Variants in PTPRT observed in about 807,000 individuals in gnomAD.
PTPRT encodes the protein protein tyrosine phosphatase receptor type T.
In PTPRT, 56 loss-of-function variants were observed where a neutral mutation model predicts 176.8. The ratio of observed to expected loss-of-function variants is 0.32; its 90% confidence interval spans 0.26 to 0.40. The LOEUF (loss-of-function observed/expected upper bound fraction) is 0.40, where lower values mean the gene tolerates loss of function less well. Ranked by LOEUF, PTPRT falls within the 10% of genes least tolerant of loss-of-function variation. The pLI is 1.00. For synonymous variants in PTPRT, 783 were observed against 739.0 expected (o/e 1.06, Z -0.96); for missense variants, 1,540 against 1,908.2 (o/e 0.81, Z 3.60).
intron 9 of PTPRT, among the ~76,000 whole-genome samples, chr20:42,436,103 G>C (rs2059260017): frequency 6.6e-6 from 1 of 152,166 alleles, no homozygotes. Context: ...ATTAATTGCA[G>C]ATAGATCAAA....
intron 9 of PTPRT, among the ~76,000 whole-genome samples, chr20:42,413,766 C>A (rs1201830743): frequency 6.6e-6 from 1 of 152,194 alleles, no homozygotes; most frequent in African/African-American, 2.4e-5. Context: ...TCAAAGAACA[C>A]CTCCACAGAG....
At chr20:42,660,968 C>T (rs1297663893) in intron 7 of PTPRT, among the ~76,000 whole-genome samples, 1 of 152,130 alleles carries the variant, frequency 6.6e-6, no homozygotes, top group African/African-American at 2.4e-5. Context: ...TCTCCTGCCT[C>T]AGCCTCCCAA....
At chr20:42,217,327 A>AT (rs1409998775) in intron 15 of PTPRT, among the ~76,000 whole-genome samples, 1 of 149,878 alleles carries the variant, frequency 6.7e-6, no homozygotes, top group Non-Finnish European at 1.5e-5. Flanking sequence ...GTGAGCCGAG[A>AT]TCACACCAAT....
rs1444006999 is a variant in PTPRT, at chr20:42,893,726, T to C, written c.89-7794A>G. 6.6e-3 allele frequency among the ~76,000 whole-genome samples: 992 copies of C among 151,422 alleles called. 14 individuals carry two copies. The highest frequency in any genetic ancestry group is 0.023 in the African/African-American group (952 of 41,082). ...GTCCTTTGTAGGGACATGGATGAAA[T>C]TGGAAATCATCATTCTCAGTAAACT... On this transcript the variant is annotated intron_variant, in intron 1 of 30. Transcript: ENST00000373187.
At chr20:42,144,915 T>C (rs1988793452) in intron 17 of PTPRT, among the ~76,000 whole-genome samples, 1 of 152,156 alleles carries the variant, frequency 6.6e-6, no homozygotes, top group African/African-American at 2.4e-5. Context: ...AGCCCCTCAA[T>C]AAGCCCTGTT....
At chr20:42,640,373 C>G (rs960062482) in intron 7 of PTPRT, among the ~76,000 whole-genome samples, 1 of 151,892 alleles carries the variant, frequency 6.6e-6, no homozygotes, top group African/African-American at 2.4e-5. Context: ...GGGCACCAAT[C>G]TTTAAGTATA....
intron 1 of PTPRT, among the ~76,000 whole-genome samples, chr20:43,064,005 C>G (rs1451273291): frequency 6.6e-6 from 1 of 151,956 alleles, no homozygotes; most frequent in Non-Finnish European, 1.5e-5. Flanking sequence ...TACCCGTGGA[C>G]TTTCCATGAG....
intron 2 of PTPRT, among the ~76,000 whole-genome samples, chr20:42,839,002 C>T (rs776500832): frequency 1.4e-4 from 21 of 152,074 alleles, no homozygotes; most frequent in Non-Finnish European, 2.6e-4. Flanking sequence ...TCACTGCTTG[C>T]CATTGGCTAC....
At chr20:42,402,706 G>T (rs544843976) in intron 9 of PTPRT, among the ~76,000 whole-genome samples, 10 of 152,118 alleles carry the variant, frequency 6.6e-5, no homozygotes, top group African/African-American at 2.4e-4. Flanking sequence ...GCTTGGTGTG[G>T]ATTGTAAGGC....
chr20:42,630,160 T>C (rs1334773901), intron 7 of PTPRT, among the ~76,000 whole-genome samples: 2 of 152,106 alleles, frequency 1.3e-5, no homozygotes, highest in East Asian at 1.9e-4. Context: ...GTCAAGATGC[T>C]ACACTGCTAC....
At chr20:42,292,059 C>G (rs1330518534) in intron 12 of PTPRT, among the ~76,000 whole-genome samples, 2 of 152,054 alleles carry the variant, frequency 1.3e-5, no homozygotes, top group African/African-American at 4.8e-5. Context: ...CTCAACCTTT[C>G]CCTACCTTTG....
intron 13 of PTPRT, among the ~76,000 whole-genome samples, chr20:42,276,088 A>G (rs1286219760): frequency 6.6e-6 from 1 of 152,074 alleles, no homozygotes; most frequent in African/African-American, 2.4e-5. Flanking sequence ...CTCTAGCTAG[A>G]TTTGGACATG....
chr20:42,441,868 T>C (rs994395594), intron 9 of PTPRT, among the ~76,000 whole-genome samples: 8 of 152,264 alleles, frequency 5.3e-5, no homozygotes, highest in Non-Finnish European at 8.8e-5. Context: ...GCCTGCATTA[T>C]GCAAATCATG....
Position 42,258,317 on chromosome 20 carries a change from A to G in PTPRT, c.2177-9495T>C, listed in dbSNP as rs117333355. ...GAACATGTCATGTGAACCTTGTTAC[A>G]TGAGCCAAATTATACAGACTTTGCT... On this transcript the variant is annotated intron_variant, in intron 13 of 30. Coordinates refer to ENST00000373187, the MANE Select transcript of PTPRT (RefSeq NM_007050.6). 2.4e-3 allele frequency among the ~76,000 whole-genome samples: 370 copies of G among 152,312 alleles called. 4 individuals are homozygous for G. Among genetic ancestry groups the G allele is most frequent in the East Asian group, 0.017 (89 of 5,184 alleles).
intron 12 of PTPRT, among the ~76,000 whole-genome samples, chr20:42,308,579 A>G (rs1403365535): frequency 6.6e-6 from 1 of 152,106 alleles, no homozygotes; most frequent in Non-Finnish European, 1.5e-5. Context: ...AAATAGTCCA[A>G]CTGTAATGCG....
At chr20:42,598,223 A>C (rs942674400) in intron 7 of PTPRT, among the ~76,000 whole-genome samples, 2 of 152,200 alleles carry the variant, frequency 1.3e-5, no homozygotes, top group Non-Finnish European at 2.9e-5. Context: ...GTCCATCTAC[A>C]CTTATATTTA....
At chr20:42,375,326 G>A (rs1269685438) in intron 9 of PTPRT, among the ~76,000 whole-genome samples, 1 of 152,148 alleles carries the variant, frequency 6.6e-6, no homozygotes, top group African/African-American at 2.4e-5. Flanking sequence ...GTGCCACGGT[G>A]TAAATTTGAA....
chr20:42,231,137 CA>C (rs2056126308), intron 15 of PTPRT, among the ~76,000 whole-genome samples: 1 of 143,814 alleles, frequency 7.0e-6, no homozygotes, highest in Non-Finnish European at 1.5e-5. Context: ...GAATAGCTAC[CA>C]CTTCTTATGC....
chr20:42,576,348 T>C (rs1052846909), intron 7 of PTPRT, among the ~76,000 whole-genome samples: 1 of 152,188 alleles, frequency 6.6e-6, no homozygotes, highest in Admixed American at 6.5e-5. Flanking sequence ...CCTGAACATC[T>C]GGAAGGGAGT....
Sources: gnomAD v4.1 joint callset for allele counts (sites outside exome capture counted in the v4.1 genomes callset) on GRCh38, gnomAD v4.1.1 for gene constraint, MANE v1.5 for transcripts, NCBI Gene and HGNC (gene_info 2026-07-23, HGNC 2026-07-21) for gene names.